EYS: variants seen among roughly 807,000 people sequenced by gnomAD.
EYS encodes the protein EGF-like photoreceptor maintenance factor.
Under a neutral mutation model 282.1 loss-of-function variants are expected in EYS, and 250 were observed. The ratio of observed to expected loss-of-function variants is 0.89; its 90% CI spans 0.80 to 0.98. The LOEUF is 0.98. Among genes scored for constraint, EYS ranks in the 50% least tolerant of loss-of-function variants. The probability of loss-of-function intolerance (pLI) is 0.00; values close to 1 mark genes in which losing one functional copy is unlikely to be tolerated. For missense variants in EYS, 4,016 were observed against 3,709.0 expected (o/e 1.08, Z -2.15); for synonymous variants, 1,355 against 1,282.9 (o/e 1.06, Z -1.20).
chr6:64,660,581 A>G (rs933841242), intron 22 of EYS, among the ~76,000 whole-genome samples: 8 of 152,114 alleles, frequency 5.3e-5, no homozygotes, highest in Non-Finnish European at 1.2e-4. Context: ...CTAGCATTCT[A>G]ATACTCCAAT....
intron 5 of EYS, among the ~76,000 whole-genome samples, chr6:65,476,699 C>A (rs557581208): frequency 1.4e-4 from 21 of 152,154 alleles, no homozygotes; most frequent in African/African-American, 4.6e-4. Context: ...GCCTCAGCCT[C>A]CCGAGTAGCT....
intron 22 of EYS, among the ~76,000 whole-genome samples, chr6:64,723,185 C>A (rs1309431038): frequency 6.6e-6 from 1 of 151,974 alleles, no homozygotes; most frequent in African/African-American, 2.4e-5. Flanking sequence ...ATGCTCTTAA[C>A]AACTTTGCCA....
At chr6:63,983,543 G>A (rs1391395350) in intron 35 of EYS, among the ~76,000 whole-genome samples, 1 of 151,446 alleles carries the variant, frequency 6.6e-6, no homozygotes, top group Non-Finnish European at 1.5e-5. Context: ...TTTCTACACT[G>A]TGTATAGAGA....
At chr6:65,680,567 G>A (rs561252400) in intron 1 of EYS, among the ~76,000 whole-genome samples, 2 of 151,890 alleles carry the variant, frequency 1.3e-5, no homozygotes, top group Admixed American at 1.3e-4. Flanking sequence ...TCACTTCTAT[G>A]GCTAAACTAA....
intron 7 of EYS, among the ~76,000 whole-genome samples, chr6:65,401,335 A>G (rs1347147678): frequency 6.6e-6 from 1 of 151,038 alleles, no homozygotes; most frequent in Non-Finnish European, 1.5e-5. Flanking sequence ...ATTTCACCTG[A>G]GTCAGAGTTA....
intron 13 of EYS, among the ~76,000 whole-genome samples, chr6:65,037,527 T>A (rs1285138797): frequency 6.6e-6 from 1 of 151,758 alleles, no homozygotes; most frequent in East Asian, 1.9e-4. Context: ...GTAAATGTAT[T>A]TTCTCTTCCG....
At chr6:63,782,607 C>G (rs1770259697) in intron 39 of EYS, among the ~76,000 whole-genome samples, 1 of 152,176 alleles carries the variant, frequency 6.6e-6, no homozygotes, top group African/African-American at 2.4e-5. Flanking sequence ...TCGCCTTCAT[C>G]ATTTTTTATT....
chr6:64,586,804 A>G (rs991533035), intron 26 of EYS, among the ~76,000 whole-genome samples: 1 of 152,088 alleles, frequency 6.6e-6, no homozygotes, highest in Non-Finnish European at 1.5e-5. Flanking sequence ...AACATAACTC[A>G]AACACTCTAT....
intron 35 of EYS, among the ~76,000 whole-genome samples, chr6:63,938,165 G>GA (rs1336078678): frequency 6.6e-6 from 1 of 152,086 alleles, no homozygotes; most frequent in Non-Finnish European, 1.5e-5. Context: ...AAGGAAATAG[G>GA]AAACTCAAGT....
At chr6:63,840,922 G>A (rs1454282001) in intron 36 of EYS, among the ~76,000 whole-genome samples, 1 of 152,092 alleles carries the variant, frequency 6.6e-6, no homozygotes, top group Non-Finnish European at 1.5e-5. Context: ...CTAGTACCTT[G>A]CTGTTTTGGT....
chr6:64,549,321 T>C (rs926278543), intron 26 of EYS, among the ~76,000 whole-genome samples: 8 of 152,206 alleles, frequency 5.3e-5, no homozygotes, highest in Non-Finnish European at 1.2e-4. Context: ...GGTACTGCTA[T>C]AATTATTTGT....
chr6:65,398,300 T>C (rs921664308), intron 7 of EYS, among the ~76,000 whole-genome samples: 1 of 151,872 alleles, frequency 6.6e-6, no homozygotes, highest in Non-Finnish European at 1.5e-5. Context: ...CATAGATTAA[T>C]GAAACAGAAT....
chr6:65,645,822 CAATT>C (rs1562306719), intron 1 of EYS, among the ~76,000 whole-genome samples: 1 of 151,774 alleles, frequency 6.6e-6, no homozygotes, highest in East Asian at 1.9e-4. Flanking sequence ...GAAGTATGCT[CAATT>C]AGAGATGAAA....
chr6:64,653,010 T>C (rs1768618426), intron 22 of EYS, among the ~76,000 whole-genome samples: 1 of 152,154 alleles, frequency 6.6e-6, no homozygotes. Flanking sequence ...AGTACCCCCG[T>C]ATGTAACGTT....
intron 12 of EYS, among the ~76,000 whole-genome samples, chr6:65,193,847 C>T (rs548606097): frequency 1.3e-5 from 2 of 151,868 alleles, no homozygotes; most frequent in South Asian, 4.1e-4. Context: ...TCAACCAAAC[C>T]ACCCGAGGAC....
At chr6:64,333,122 CTAGT>C (rs1770704915) in intron 29 of EYS, among the ~76,000 whole-genome samples, 1 of 152,074 alleles carries the variant, frequency 6.6e-6, no homozygotes. Flanking sequence ...TATAACCAGA[CTAGT>C]TACTCAGTCT....
intron 12 of EYS, among the ~76,000 whole-genome samples, chr6:65,271,091 C>A (rs1767886433): frequency 8.1e-6 from 1 of 123,422 alleles, no homozygotes; most frequent in South Asian, 2.6e-4. Context: ...ATACCAAAAT[C>A]TGTTTTAGGA....
chr6:65,245,683 C>T, intron 12 of EYS, among the ~76,000 whole-genome samples: 1 of 151,314 alleles, frequency 6.6e-6, no homozygotes, highest in South Asian at 2.1e-4. Context: ...ATTGCACCTT[C>T]TCCTTAAAAA....
intron 13 of EYS, among the ~76,000 whole-genome samples, chr6:65,055,257 A>G (rs1213464681): frequency 1.3e-5 from 2 of 152,082 alleles, no homozygotes; most frequent in Admixed American, 6.6e-5. Context: ...TGCAGGGGCT[A>G]CAGGTGTGAG....
Sources: gnomAD v4.1 joint callset for allele counts (sites outside exome capture counted in the v4.1 genomes callset) on GRCh38, gnomAD v4.1.1 for gene constraint, MANE v1.5 for transcripts, NCBI Gene and HGNC (gene_info 2026-07-23, HGNC 2026-07-21) for gene names.